Variants in LMO3 observed in about 807,000 individuals in gnomAD.
LMO3 encodes the protein LIM domain only protein 3.
A neutral mutation model predicts 15.8 loss-of-function variants in LMO3; 2 were observed. The ratio of observed to expected loss-of-function variants is 0.13; its 90% CI spans 0.05 to 0.40. The LOEUF (loss-of-function observed/expected upper bound fraction) is 0.40. LMO3 is among the 10% of genes least tolerant of loss of function. The pLI is 0.99. For missense variants in LMO3, 86 were observed against 182.2 expected (o/e 0.47, Z 3.04); for synonymous variants, 62 against 63.8 (o/e 0.97, Z 0.13).
chr12:16,569,522 G>C lies in LMO3; in HGVS notation c.207-8984C>G, dbSNP rs1181182840. Among the ~76,000 whole-genome samples the C allele has an allele frequency of 1.4e-4, 21 of 152,144 alleles. 1 individual carries two copies. ...ATTTTCCAAAGCCTTACGAGCAGGT[G>C]TTACTGCTATTTATGATCAGCACAG... On this transcript the variant is annotated intron_variant, in intron 2 of 3. Coordinates refer to ENST00000537304, the MANE Select transcript of LMO3 (RefSeq NM_018640.5).
chr12:16,580,495 C>A (rs1943125870), intron 2 of LMO3, among the ~76,000 whole-genome samples: 1 of 152,112 alleles, frequency 6.6e-6, no homozygotes, highest in Non-Finnish European at 1.5e-5. Context: ...AAAGTGAAAT[C>A]TTGGATTGGA....
intron 2 of LMO3, among the ~76,000 whole-genome samples, chr12:16,561,559 A>T (rs1359001830): frequency 6.6e-6 from 1 of 152,230 alleles, no homozygotes; most frequent in East Asian, 1.9e-4. Context: ...GAGAAAACTC[A>T]TTTTGGTTAT....
In LMO3 at chr12:16,586,129, A is replaced by G. The variant is rs1418005786; in HGVS notation, c.206+14526T>C. Among the ~76,000 whole-genome samples, 1 of 152,228 alleles carries G rather than the reference A, an allele frequency of 6.6e-6. No homozygotes were observed. Among genetic ancestry groups the G allele is most frequent in the African/African-American group, 2.4e-5 (1 of 41,460 alleles). On this transcript the variant is annotated intron_variant, in intron 2 of 3. Transcript: ENST00000537304. This position sits in a 1 kb window ranked among gnomAD's most constrained non-coding sequence, Gnocchi z 4.3. ...CAATAGGGGTCAAGATCAAAGACACAGGGAAGGATAAATTAAAAACCATCA... is the reference window on the plus strand; with the variant it reads ...CAATAGGGGTCAAGATCAAAGACACGGGGAAGGATAAATTAAAAACCATCA...
At chr12:16,583,974 G>C (rs1423928050) in intron 2 of LMO3, among the ~76,000 whole-genome samples, 1 of 152,200 alleles carries the variant, frequency 6.6e-6, no homozygotes, top group Non-Finnish European at 1.5e-5. Flanking sequence ...ACAGTGTGGA[G>C]TTTAAGATTC....
At chr12:16,583,353 A>T (rs1382228689) in intron 2 of LMO3, among the ~76,000 whole-genome samples, 2 of 152,176 alleles carry the variant, frequency 1.3e-5, no homozygotes, top group Non-Finnish European at 2.9e-5. Flanking sequence ...GATAACAGTA[A>T]CATAAATTTG....
chr12:16,600,291 CA>C (rs35993210), intron 2 of LMO3: 13,269 of 70,174 alleles, frequency 0.19, 201 homozygotes, highest in South Asian at 0.24. Context: ...CCTTAAGCTC[CA>C]AAAAAAAAAA....
intron 2 of LMO3, among the ~76,000 whole-genome samples, chr12:16,581,216 TCACTAAA>T (rs1158335711): frequency 6.6e-6 from 1 of 152,186 alleles, no homozygotes; most frequent in East Asian, 1.9e-4. Context: ...ATGTCCTCAG[TCACTAAA>T]CACTAGAGTA....
intron 2 of LMO3, among the ~76,000 whole-genome samples, chr12:16,568,470 A>G (rs1326834872): frequency 2.0e-5 from 3 of 152,156 alleles, no homozygotes; most frequent in African/African-American, 7.2e-5. Flanking sequence ...CTTACTGTCT[A>G]TTGCTGTGCT....
At chr12:16,577,890 T>C (rs1199629672) in intron 2 of LMO3, among the ~76,000 whole-genome samples, 1 of 152,234 alleles carries the variant, frequency 6.6e-6, no homozygotes, top group Non-Finnish European at 1.5e-5. Flanking sequence ...AGATTTAGGA[T>C]CACAAATTAT....
intron 2 of LMO3, chr12:16,573,867 G>C (rs1942907890): frequency 6.6e-6 from 1 of 152,182 alleles, no homozygotes; most frequent in South Asian, 2.1e-4. Flanking sequence ...CCAAATCACC[G>C]TCTGGAGGCC....
At position 16,603,830 on chromosome 12, in the gene LMO3, C is replaced by T. The variant is rs1375602906; in HGVS notation, c.-9+2236G>A. On this transcript the variant is annotated intron_variant, in intron 1 of 3. Coordinates refer to ENST00000537304, the MANE Select transcript of LMO3 (RefSeq NM_018640.5). This position sits in a 1 kb window ranked among gnomAD's most constrained non-coding sequence, Gnocchi z 4.9. Reference sequence around the variant, plus strand: ...AAAGTAACCACAACTCCACAACACACAGGGGTTTAAAAAAAATAATAATAA... The same window carrying T: ...AAAGTAACCACAACTCCACAACACATAGGGGTTTAAAAAAAATAATAATAA... Among the ~76,000 whole-genome samples, 1 of 152,108 alleles carries T rather than the reference C, an allele frequency of 6.6e-6. No individual in the cohort carries two copies. Among genetic ancestry groups the T allele is most frequent in the Non-Finnish European group, 1.5e-5 (1 of 68,028 alleles).
In LMO3 at chr12:16,582,481, T is replaced by C. The variant is rs1254133579; in HGVS notation, c.206+18174A>G. On this transcript the variant is annotated intron_variant, in intron 2 of 3. Transcript: ENST00000537304. The surrounding 1 kb of genome is among the most constrained non-coding windows in gnomAD (Gnocchi z 4.1). ...TACTGTATTAGAGTTATGTTAGTTT[T>C]GCATAAGCTGCTTTACATATTTTGA... Among the ~76,000 whole-genome samples the C allele has an allele frequency of 2.0e-5, 3 of 152,216 alleles. No individual in the cohort carries two copies. Among genetic ancestry groups the C allele is most frequent in the African/African-American group, 7.2e-5 (3 of 41,464 alleles).
In LMO3 at chr12:16,549,505, T is replaced by TAATA. The variant is rs1284608338; in HGVS notation, c.*1713_*1716dup. 17 of 152,574 alleles carry TAATA rather than the reference T, an allele frequency of 1.1e-4. No homozygotes were observed. Among genetic ancestry groups the TAATA allele is most frequent in the African/African-American group, 3.4e-4 (14 of 41,454 alleles). The allele number at this position is 152,574 out of a possible 1,614,324, so 9.5% of individuals were successfully genotyped here. A position where few individuals can be genotyped will look rare whatever the true frequency, so the allele number is the denominator to read the frequency against. Reference sequence around the variant, plus strand: ...ATCCACACCAGCATTATTTTCAGCTTAATATTTTGGCCCCAACCCAAGAAT... The same window carrying TAATA: ...ATCCACACCAGCATTATTTTCAGCTTAATAAATATTTTGGCCCCAACCCAAGAAT... On this transcript the variant is annotated 3_prime_UTR_variant, in exon 4 of 4. Coordinates refer to ENST00000537304, the MANE Select transcript of LMO3 (RefSeq NM_018640.5).
intron 3 of LMO3, among the ~76,000 whole-genome samples, chr12:16,556,481 A>G (rs952898400): frequency 6.6e-6 from 1 of 152,216 alleles, no homozygotes; most frequent in Non-Finnish European, 1.5e-5. Flanking sequence ...ACATTCAGAA[A>G]TGCTTTGGAT....
chr12:16,569,228 T>C (rs1366496152), intron 2 of LMO3, among the ~76,000 whole-genome samples: 1 of 152,198 alleles, frequency 6.6e-6, no homozygotes. Flanking sequence ...CACAATTATT[T>C]AGTGTCAGAG....
Position 16,596,084 on chromosome 12 carries a change from TA to T in LMO3, c.206+4570del, listed in dbSNP as rs1167388942. Among the ~76,000 whole-genome samples, 24 of 151,570 alleles carry T rather than the reference TA, an allele frequency of 1.6e-4. No individual in the cohort carries two copies. Among genetic ancestry groups the T allele is most frequent in the African/African-American group, 5.6e-4 (23 of 41,398 alleles). On this transcript the variant is annotated intron_variant, in intron 2 of 3. Coordinates refer to ENST00000537304, the MANE Select transcript of LMO3 (RefSeq NM_018640.5). This position sits in a 1 kb window ranked among gnomAD's most constrained non-coding sequence, Gnocchi z 4.3. ...GTACCAATATAAAGCTGACCTTACA[TA>T]AAAATTTAGAAGCACCAGGTTTGAT...
chr12:16,605,250 A>ATCATATGTCACAT lies in LMO3; in HGVS notation c.-9+815_-9+816insATGTGACATATGA, dbSNP rs1343815814. ...TGGATTTGATTAAACTGTCACATGC[A>ATCATATGTCACAT]GCGTTAGCATAGCATATCATGTTCA... is the stretch of plus-strand genomic sequence containing the variant. On this transcript the variant is annotated intron_variant, in intron 1 of 3. Coordinates refer to ENST00000537304, the MANE Select transcript of LMO3 (RefSeq NM_018640.5). The ATCATATGTCACAT allele has an allele frequency of 3.9e-6, 5 of 1,275,142 alleles. No individual in the cohort carries two copies. In the African/African-American group the frequency reaches 7.5e-5, roughly 19 times the overall value. The allele number at this position is 1,275,142 out of a possible 1,614,324, so 79.0% of individuals were successfully genotyped here. A position where few individuals can be genotyped will look rare whatever the true frequency, so the allele number is the denominator to read the frequency against.
At chr12:16,563,625 TA>T (rs1942482579) in intron 2 of LMO3, among the ~76,000 whole-genome samples, 1 of 152,206 alleles carries the variant, frequency 6.6e-6, no homozygotes, top group East Asian at 1.9e-4. Context: ...CACTCGTTTA[TA>T]AAGTTATCAT....
chr12:16,591,851 C>T lies in LMO3; in HGVS notation c.206+8804G>A, dbSNP rs1231134356. On this transcript the variant is annotated intron_variant, in intron 2 of 3. Transcript: ENST00000537304. The surrounding 1 kb of genome is among the most constrained non-coding windows in gnomAD (Gnocchi z 4.1). ...CTTATGAAATAATTTTTATGAAGTC[C>T]AGATACTTTATAACCTCCCTGCTTC... is the stretch of plus-strand genomic sequence containing the variant. Among the ~76,000 whole-genome samples the T allele has an allele frequency of 6.6e-6, 1 of 152,006 alleles. No homozygotes were observed. The highest frequency in any genetic ancestry group is 1.9e-4 in the East Asian group (1 of 5,166).
Sources: gnomAD v4.1 joint callset for allele counts (sites outside exome capture counted in the v4.1 genomes callset) on GRCh38, gnomAD v4.1.1 for gene constraint, Gnocchi (gnomAD v3.1) non-coding constraint, MANE v1.5 for transcripts, NCBI Gene and HGNC (gene_info 2026-07-23, HGNC 2026-07-21) for gene names.